Variants in BICD1 observed in about 807,000 individuals in gnomAD.
BICD1 encodes protein bicaudal D homolog 1.
Under a neutral mutation model 92.5 loss-of-function variants are expected in BICD1, and 35 were observed. That is an observed-to-expected ratio of 0.38 (90% confidence interval 0.29 to 0.50). The LOEUF is 0.50. BICD1 is among the 20% of genes least tolerant of loss of function. The pLI is 0.93. For synonymous variants in BICD1, 429 were observed against 465.1 expected (o/e 0.92, Z 1.00); for missense variants, 950 against 1,189.8 (o/e 0.80, Z 2.97).
At chr12:32,126,227 G>T (rs1417412861) in intron 1 of BICD1, among the ~76,000 whole-genome samples, 1 of 152,034 alleles carries the variant, frequency 6.6e-6, no homozygotes, top group African/African-American at 2.4e-5. Context: ...TACAACTATT[G>T]TGGGGGGAAC....
intron 3 of BICD1, among the ~76,000 whole-genome samples, chr12:32,302,059 T>G (rs1266544763): frequency 1.3e-5 from 2 of 152,044 alleles, no homozygotes; most frequent in South Asian, 4.1e-4. Context: ...ACTAATTTTT[T>G]GTATTTTTAG....
intron 8 of BICD1, among the ~76,000 whole-genome samples, chr12:32,365,524 T>C (rs759446828): frequency 1.3e-5 from 2 of 152,334 alleles, no homozygotes; most frequent in Non-Finnish European, 2.9e-5. Context: ...ATTCTAAGGA[T>C]CGCTATTCCA....
At chr12:32,167,246 C>T (rs1651518318) in intron 1 of BICD1, among the ~76,000 whole-genome samples, 2 of 152,024 alleles carry the variant, frequency 1.3e-5, no homozygotes, top group South Asian at 4.2e-4. Context: ...AATGCTGTGG[C>T]TTTCTGTTAT....
chr12:32,146,836 T>TACC (rs59464675), intron 1 of BICD1, among the ~76,000 whole-genome samples: 1 of 102,500 alleles, frequency 9.8e-6, no homozygotes, highest in Non-Finnish European at 1.9e-5. Flanking sequence ...CCTCCCTCCC[T>TACC]TCCTTCCTTC....
intron 2 of BICD1, among the ~76,000 whole-genome samples, chr12:32,268,627 C>T (rs1029519571): frequency 6.6e-6 from 1 of 152,134 alleles, no homozygotes; most frequent in Non-Finnish European, 1.5e-5. Flanking sequence ...GAAACCCCGT[C>T]TCTACTAAAA....
At chr12:32,326,306 T>C (rs1340115022) in intron 4 of BICD1, among the ~76,000 whole-genome samples, 3 of 152,010 alleles carry the variant, frequency 2.0e-5, no homozygotes, top group African/African-American at 7.2e-5. Flanking sequence ...AACATTTACA[T>C]TATAAATGTA....
At chr12:32,239,561 T>A (rs567410671) in intron 2 of BICD1, among the ~76,000 whole-genome samples, 8 of 149,444 alleles carry the variant, frequency 5.4e-5, no homozygotes, top group African/African-American at 7.4e-5. Context: ...AGTGGTGCGA[T>A]CTCGGCTCAC....
chr12:32,132,146 T>C (rs552383876), intron 1 of BICD1, among the ~76,000 whole-genome samples: 1 of 152,172 alleles, frequency 6.6e-6, no homozygotes, highest in South Asian at 2.1e-4. Flanking sequence ...GGCTGGGCAC[T>C]GTGGCTCACA....
chr12:32,156,369 TC>T (rs1230072536), intron 1 of BICD1, among the ~76,000 whole-genome samples: 4 of 152,124 alleles, frequency 2.6e-5, no homozygotes, highest in African/African-American at 9.7e-5. Flanking sequence ...CTTTCTCTGC[TC>T]CTCAGCATAG....
At chr12:32,131,575 C>G (rs1174231021) in intron 1 of BICD1, among the ~76,000 whole-genome samples, 1 of 152,170 alleles carries the variant, frequency 6.6e-6, no homozygotes, top group Non-Finnish European at 1.5e-5. Flanking sequence ...ACCATCACCT[C>G]TCTGTCCTCT....
chr12:32,121,323 T>C (rs1392592783), intron 1 of BICD1, among the ~76,000 whole-genome samples: 1 of 151,744 alleles, frequency 6.6e-6, no homozygotes, highest in Non-Finnish European at 1.5e-5. Context: ...AAACTAATGG[T>C]GGCTCATGCC....
At chr12:32,372,123 A>G (rs1939763137) in intron 9 of BICD1, among the ~76,000 whole-genome samples, 1 of 152,180 alleles carries the variant, frequency 6.6e-6, no homozygotes, top group Admixed American at 6.5e-5. Context: ...TTAATGAGAA[A>G]CAGAAGATGT....
At chr12:32,234,655 C>T (rs1385914511) in intron 2 of BICD1, among the ~76,000 whole-genome samples, 1 of 148,842 alleles carries the variant, frequency 6.7e-6, no homozygotes, top group Admixed American at 6.7e-5. Context: ...AACTAAACAC[C>T]ACTTTTTTTT....
At position 32,378,739 on chromosome 12, in the gene BICD1, C is replaced by T. The variant is rs1049484683; in HGVS notation, c.*1112C>T. Reference sequence around the variant, plus strand: ...ATGTTTTGTTGTTGTTAGTTTTTTTCATAACGAATCTTCCTTGCCAAAAAA... The same window carrying T: ...ATGTTTTGTTGTTGTTAGTTTTTTTTATAACGAATCTTCCTTGCCAAAAAA... On this transcript the variant is annotated 3_prime_UTR_variant, in exon 10 of 10. Transcript: ENST00000652176. The T allele has an allele frequency of 2.0e-5, 3 of 151,994 alleles. No individual in the cohort carries two copies. The highest frequency in any genetic ancestry group is 4.4e-5 in the Non-Finnish European group (3 of 68,016). 9.4% of individuals were successfully genotyped at this position (151,994 alleles called of 1,614,324 possible).
At chr12:32,209,618 T>C (rs1455432388) in intron 1 of BICD1, among the ~76,000 whole-genome samples, 1 of 152,246 alleles carries the variant, frequency 6.6e-6, no homozygotes, top group Non-Finnish European at 1.5e-5. Flanking sequence ...TAAAATACTT[T>C]AGAAGAGACT....
chr12:32,283,859 T>C (rs1382392692), intron 2 of BICD1, among the ~76,000 whole-genome samples: 1 of 152,186 alleles, frequency 6.6e-6, no homozygotes, highest in East Asian at 1.9e-4. Flanking sequence ...CTTCTTGTTT[T>C]CTACAAAAGA....
chr12:32,224,853 C>G lies in BICD1; in HGVS notation c.426+8394C>G, dbSNP rs113364444. 7.4e-3 allele frequency among the ~76,000 whole-genome samples: 1,120 copies of G among 152,230 alleles called. 11 individuals are homozygous for G. Among genetic ancestry groups the G allele is most frequent in the African/African-American group, 0.025 (1,048 of 41,526 alleles). On this transcript the variant is annotated intron_variant, in intron 2 of 9. Coordinates refer to ENST00000652176, the MANE Select transcript of BICD1 (RefSeq NM_001714.4). ...AGTAGCTAGGATTACAGGTGTGCACCACTACACTTGGCTAAATTTTGTATT... is the reference window on the plus strand; with the variant it reads ...AGTAGCTAGGATTACAGGTGTGCACGACTACACTTGGCTAAATTTTGTATT...
At chr12:32,233,322 TAA>T (rs1555152907) in intron 2 of BICD1, among the ~76,000 whole-genome samples, 20 of 127,044 alleles carry the variant, frequency 1.6e-4, no homozygotes, top group Non-Finnish European at 1.6e-4. Flanking sequence ...AGTCTGTCTT[TAA>T]AAAAAAAAAA....
At chr12:32,227,367 G>A (rs985435165) in intron 2 of BICD1, 1 of 152,470 alleles carries the variant, frequency 6.6e-6, no homozygotes, top group Non-Finnish European at 1.5e-5. Context: ...TGGGCAAAGA[G>A]GGTGGGAAAC....
Sources: gnomAD v4.1 joint callset for allele counts (sites outside exome capture counted in the v4.1 genomes callset) on GRCh38, gnomAD v4.1.1 for gene constraint, MANE v1.5 for transcripts, NCBI Gene and HGNC (gene_info 2026-07-23, HGNC 2026-07-21) for gene names.